The following PPP6R3 variants were observed in gnomAD, a reference collection of about 807,000 sequenced individuals.
The protein encoded by PPP6R3 is serine/threonine-protein phosphatase 6 regulatory subunit 3.
In PPP6R3, 38 loss-of-function variants were observed where a neutral mutation model predicts 110.7. The observed-to-expected ratio is 0.34, with a 90% CI of 0.26 to 0.45. PPP6R3 has a LOEUF of 0.45. PPP6R3 is among the 20% of genes least tolerant of loss of function. PPP6R3 has a pLI of 1.00. For missense variants in PPP6R3, 870 were observed against 1,062.4 expected (o/e 0.82, Z 2.52); for synonymous variants, 369 against 373.5 (o/e 0.99, Z 0.14).
intron 13 of PPP6R3, among the ~76,000 whole-genome samples, chr11:68,574,703 C>T (rs1593401745): frequency 6.6e-6 from 1 of 152,310 alleles, no homozygotes; most frequent in Admixed American, 6.5e-5. Flanking sequence ...GTATTGGCTT[C>T]TAAAGGACTC....
chr11:68,579,313 G>T (rs1421511123), intron 14 of PPP6R3, among the ~76,000 whole-genome samples: 2 of 152,242 alleles, frequency 1.3e-5, no homozygotes, highest in East Asian at 3.9e-4. Flanking sequence ...GATTTCCCTT[G>T]GGAACCTAAT....
intron 1 of PPP6R3, among the ~76,000 whole-genome samples, chr11:68,498,265 T>C (rs1228071075): frequency 1.3e-5 from 2 of 152,178 alleles, no homozygotes; most frequent in African/African-American, 2.4e-5. Flanking sequence ...AGGGGTAAAT[T>C]TGGACATGCA....
At chr11:68,536,185 CA>C (rs1304899435) in intron 2 of PPP6R3, among the ~76,000 whole-genome samples, 1 of 151,688 alleles carries the variant, frequency 6.6e-6, no homozygotes, top group African/African-American at 2.4e-5. Flanking sequence ...ATTTAAAAAA[CA>C]TTTTTTTTTT....
intron 12 of PPP6R3, among the ~76,000 whole-genome samples, chr11:68,572,868 T>C (rs2099512977): frequency 6.6e-6 from 1 of 151,578 alleles, no homozygotes; most frequent in Admixed American, 6.6e-5. Flanking sequence ...CTGTACTTCT[T>C]ACCCTTAGGC....
At position 68,540,402 on chromosome 11, in the gene PPP6R3, C is replaced by G. The variant is rs552512447; in HGVS notation, c.227+2511C>G. ...AGTTTTCAAAAGGGGAGGGAGTGTG[C>G]AAATAGGTGTGGGTGACAGACATCA... On this transcript the variant is annotated intron_variant, in intron 3 of 23. Coordinates refer to ENST00000393800, the MANE Select transcript of PPP6R3 (RefSeq NM_001164161.2). 2.6e-5 allele frequency among the ~76,000 whole-genome samples: 4 copies of G among 152,122 alleles called. No individual in the cohort carries two copies. In the East Asian group the frequency reaches 7.7e-4, roughly 29 times the overall value.
At chr11:68,566,636 T>A (rs1432128227) in intron 9 of PPP6R3, among the ~76,000 whole-genome samples, 1 of 152,148 alleles carries the variant, frequency 6.6e-6, no homozygotes, top group African/African-American at 2.4e-5. Flanking sequence ...GCTGGGATTA[T>A]AGGCATGAGC....
intron 19 of PPP6R3, 146 bp from the exon 20 acceptor site, chr11:68,600,195 G>A: frequency 1.2e-6 from 1 of 819,582 alleles, no homozygotes; most frequent in Non-Finnish European, 2.0e-6. Flanking sequence ...CCAGGTGGCT[G>A]TGCCCTGTCC....
intron 12 of PPP6R3, among the ~76,000 whole-genome samples, chr11:68,571,511 G>A (rs190425238): frequency 6.6e-6 from 1 of 152,316 alleles, no homozygotes; most frequent in East Asian, 1.9e-4. Flanking sequence ...GAGTTGCTTT[G>A]TACAGGGACC....
Position 68,613,126 on chromosome 11 carries a change from G to A in PPP6R3, c.*9G>A, listed in dbSNP as rs766846099. The A allele has an allele frequency of 1.1e-5, 18 of 1,613,850 alleles. No individual in the cohort carries two copies. The highest frequency in any genetic ancestry group is 1.1e-4 in the East Asian group (5 of 44,884). Reference sequence around the variant, plus strand: ...TGAATGGCCCTGTATGACGGGTGACGTCTGCTGCTGCTGACTGAGGACTGC... The same window carrying A: ...TGAATGGCCCTGTATGACGGGTGACATCTGCTGCTGCTGACTGAGGACTGC... On this transcript the variant is annotated 3_prime_UTR_variant, in exon 24 of 24. Transcript: ENST00000393800.
intron 22 of PPP6R3, 179 bp from the exon 23 acceptor site, chr11:68,609,725 T>C (rs1942374752): frequency 6.4e-7 from 1 of 1,563,834 alleles, no homozygotes; most frequent in African/African-American, 1.4e-5. Context: ...TTTCCTTTTG[T>C]GATTCCCCAG....
Position 68,575,974 on chromosome 11 carries a change from C to A in PPP6R3, c.1476C>A (p.Val492=). The A allele has an allele frequency of 6.2e-7, 1 of 1,610,924 alleles. No individual in the cohort carries two copies. The highest frequency in any genetic ancestry group is 1.1e-5 in the South Asian group (1 of 90,694). ...ACTCTGAAGATCTTCCCGACGAAGTCAGGGAACGATGGGAGACGTTCTGCA... is the reference window on the plus strand; with the variant it reads ...ACTCTGAAGATCTTCCCGACGAAGTAAGGGAACGATGGGAGACGTTCTGCA... ...QQLIKDLPDE[V]RERWETFCTS... is the part of the protein sequence containing the mutation. The change falls in exon 14 of 24, where the codon GTC becomes GTA. Residue 492 remains valine (V), a synonymous_variant. Coordinates refer to ENST00000393800, the MANE Select transcript of PPP6R3 (RefSeq NM_001164161.2).
chr11:68,534,620 C>G (rs1565663735), intron 2 of PPP6R3, among the ~76,000 whole-genome samples: 2 of 151,964 alleles, frequency 1.3e-5, no homozygotes, highest in Admixed American at 1.3e-4. Context: ...AGCTTCTCAC[C>G]TGATTGGTGA....
chr11:68,604,718 A>T (rs7113287), intron 22 of PPP6R3, among the ~76,000 whole-genome samples: 48,419 of 152,136 alleles, frequency 0.32, 8,747 homozygotes, highest in African/African-American at 0.49. Context: ...AGATATTCCA[A>T]ATGTGCCTGT....
At chr11:68,532,984 C>G (rs773430482) in intron 2 of PPP6R3, among the ~76,000 whole-genome samples, 2 of 152,170 alleles carry the variant, frequency 1.3e-5, no homozygotes, top group Admixed American at 6.5e-5. Flanking sequence ...TGTTGTGTGA[C>G]TGTGTAGTCT....
At chr11:68,569,343 A>C (rs544772882) in intron 10 of PPP6R3, among the ~76,000 whole-genome samples, 1 of 152,220 alleles carries the variant, frequency 6.6e-6, no homozygotes, top group East Asian at 1.9e-4. Context: ...AACCACAGCT[A>C]TCGAACCCTA....
intron 1 of PPP6R3, chr11:68,505,074 C>A (rs1342749230): frequency 2.6e-5 from 4 of 151,996 alleles, no homozygotes; most frequent in Admixed American, 2.6e-4. Context: ...CTTCTTAGAT[C>A]TAAAGGAATG....
At position 68,551,194 on chromosome 11, in the gene PPP6R3, C is replaced by T. The variant is rs750182805; in HGVS notation, c.618+8C>T. The T allele has an allele frequency of 6.3e-7, 1 of 1,597,894 alleles. No homozygotes were observed. The highest frequency in any genetic ancestry group is 2.2e-5 in the East Asian group (1 of 44,746). Reference sequence around the variant, plus strand: ...CCATCGCAAGAAGAAGATGTAAGTTCACTTGTGTGACTGTAAACTTGATTA... The same window carrying T: ...CCATCGCAAGAAGAAGATGTAAGTTTACTTGTGTGACTGTAAACTTGATTA... On this transcript the variant is annotated splice_region_variant and intron_variant, in intron 6 of 23. Coordinates refer to ENST00000393800, the MANE Select transcript of PPP6R3 (RefSeq NM_001164161.2).
chr11:68,464,852 G>A (rs1303291876), intron 1 of PPP6R3, among the ~76,000 whole-genome samples: 4 of 151,458 alleles, frequency 2.6e-5, no homozygotes, highest in South Asian at 2.1e-4. Flanking sequence ...GTCAGTCAGT[G>A]GTCAGGTCTG....
At chr11:68,609,557 A>C (rs1204208636) in intron 22 of PPP6R3, 1 of 1,539,178 alleles carries the variant, frequency 6.5e-7, no homozygotes, top group Non-Finnish European at 8.8e-7. Context: ...CATTTCTAGG[A>C]GTATTCTGAA....
Sources: gnomAD v4.1 joint callset for allele counts (sites outside exome capture counted in the v4.1 genomes callset) on GRCh38, gnomAD v4.1.1 for gene constraint, MANE v1.5 for transcripts, NCBI Gene and HGNC (gene_info 2026-07-23, HGNC 2026-07-21) for gene names.